Variants in LUC7L observed in about 807,000 individuals in gnomAD.
The protein encoded by LUC7L is LUC7 like.
LUC7L carries 29 observed loss-of-function variants against 51.1 expected under a neutral mutation model. The observed-to-expected ratio is 0.57, with a 90% confidence interval of 0.42 to 0.77. The LOEUF (loss-of-function observed/expected upper bound fraction) is 0.77, where lower values mean the gene tolerates loss of function less well. LUC7L is among the 30% of genes least tolerant of loss of function. LUC7L has a pLI of 0.00. For synonymous variants in LUC7L, 181 were observed against 180.7 expected (o/e 1.00, Z -0.01); for missense variants, 403 against 511.9 (o/e 0.79, Z 2.05).
At chr16:228,975 C>T in intron 1 of LUC7L, 2 of 1,430,060 alleles carry the variant, frequency 1.4e-6, no homozygotes, top group Non-Finnish European at 1.9e-6. Flanking sequence ...CTCCACAGTT[C>T]GCGGAGGGGC....
chr16:219,791 C>G (rs563903699), intron 3 of LUC7L, among the ~76,000 whole-genome samples: 1 of 152,062 alleles, frequency 6.6e-6, no homozygotes, highest in East Asian at 1.9e-4. Context: ...ATTGCTTGAA[C>G]CTGGGAGGAG....
chr16:208,318 T>C (rs182123232), intron 3 of LUC7L, 130 bp from the exon 4 acceptor site: 481 of 657,850 alleles, frequency 7.3e-4, no homozygotes, highest in Non-Finnish European at 1.1e-3. Flanking sequence ...GGGAAAGATC[T>C]TAAACTACAC....
intron 3 of LUC7L, among the ~76,000 whole-genome samples, chr16:211,289 A>C (rs1328036951): frequency 1.3e-5 from 2 of 152,190 alleles, no homozygotes; most frequent in African/African-American, 4.8e-5. Context: ...GTGGTGGGAA[A>C]CACTAAAAGA....
At chr16:225,737 G>C (rs778123832) in intron 2 of LUC7L, among the ~76,000 whole-genome samples, 1 of 151,026 alleles carries the variant, frequency 6.6e-6, no homozygotes, top group Non-Finnish European at 1.5e-5. Flanking sequence ...CACCCGCCTC[G>C]GCCTCCCAAA....
At chr16:226,682 C>A (rs915967755) in intron 2 of LUC7L, among the ~76,000 whole-genome samples, 1 of 152,180 alleles carries the variant, frequency 6.6e-6, no homozygotes, top group Non-Finnish European at 1.5e-5. Context: ...AACAAACCCA[C>A]GCAGAATCTT....
At chr16:215,945 T>G in intron 3 of LUC7L, among the ~76,000 whole-genome samples, 1 of 151,894 alleles carries the variant, frequency 6.6e-6, no homozygotes, top group Non-Finnish European at 1.5e-5. Flanking sequence ...TCCTTCACTT[T>G]TGGCCTCCAA....
chr16:229,381 C>G lies in LUC7L; in HGVS notation c.-42G>C. On this transcript the variant is annotated 5_prime_UTR_variant, in exon 1 of 10. Coordinates refer to ENST00000293872, the MANE Select transcript of LUC7L (RefSeq NM_201412.3). Reference sequence around the variant, plus strand: ...GACGGGGTCGGCCGCGACGACTTCTCTCAGGCAGGCGGTGGCAGCGGCGTC... The same window carrying G: ...GACGGGGTCGGCCGCGACGACTTCTGTCAGGCAGGCGGTGGCAGCGGCGTC... The G allele has an allele frequency of 6.8e-7, 1 of 1,468,222 alleles. No homozygotes were observed. The highest frequency in any genetic ancestry group is 2.8e-5 in the East Asian group (1 of 36,114). The allele number at this position is 1,468,222 out of a possible 1,614,324, so 90.9% of individuals were successfully genotyped here. A position where few individuals can be genotyped will look rare whatever the true frequency, so the allele number is the denominator to read the frequency against.
At chr16:195,912 ACT>A (rs779822403) in intron 6 of LUC7L, among the ~76,000 whole-genome samples, 1 of 152,150 alleles carries the variant, frequency 6.6e-6, no homozygotes, top group Non-Finnish European at 1.5e-5. Context: ...TACATTGTGC[ACT>A]GTTACTTTAA....
At chr16:206,683 A>T (rs1464734453) in intron 4 of LUC7L, among the ~76,000 whole-genome samples, 1 of 152,110 alleles carries the variant, frequency 6.6e-6, no homozygotes, top group Non-Finnish European at 1.5e-5. Flanking sequence ...CCTCCTTTTC[A>T]TTCTATGATA....
In LUC7L at chr16:189,311, C is replaced by A; in HGVS notation, c.1003G>T (p.Glu335Ter). Residue 335 changes from glutamate to a stop codon, truncating the protein, a stop_gained, in exon 10 of 10, where the codon GAG (glutamate) becomes TAG (stop). Transcript: ENST00000293872. LOFTEE classifies it high-confidence loss of function. ...TCGCTCCGCCCGCTCTCCCAGGACT[C>A]CTCTCTGGATGCCCGCTCTCTGGAG... The part of the protein sequence containing the change: ...KFSRERASRE[E>*]SWESGRSERG... 1 of 1,612,688 alleles carries A rather than the reference C, an allele frequency of 6.2e-7. No homozygotes were observed. Among genetic ancestry groups the A allele is most frequent in the Non-Finnish European group, 8.5e-7 (1 of 1,179,784 alleles).
intron 2 of LUC7L, among the ~76,000 whole-genome samples, chr16:225,487 T>TC (rs1354823875): frequency 3.3e-4 from 11 of 33,436 alleles, no homozygotes; most frequent in Admixed American, 5.9e-4. Context: ...ACTCCGTCTC[T>TC]TTTTTTTTTT....
chr16:214,394 C>T (rs988276774), intron 3 of LUC7L, among the ~76,000 whole-genome samples: 3 of 152,164 alleles, frequency 2.0e-5, no homozygotes, highest in African/African-American at 7.2e-5. Flanking sequence ...AGACAGGTTT[C>T]ACAAACATTA....
rs1280885414 is a variant in LUC7L at position 196,427 on chromosome 16, C to CAA, written c.687+2633_687+2634dup. Among the ~76,000 whole-genome samples, 1,070 of 148,504 alleles carry CAA rather than the reference C, an allele frequency of 7.2e-3. 15 individuals are homozygous for CAA. Among genetic ancestry groups the CAA allele is most frequent in the African/African-American group, 0.026 (1,028 of 39,004 alleles). On this transcript the variant is annotated intron_variant, in intron 6 of 9. Coordinates refer to ENST00000293872, the MANE Select transcript of LUC7L (RefSeq NM_201412.3). ...TGCCTCAAACAAACAAACAAACAAA[C>CAA]AAAAAAAACCCAACAACTACAGTAG... is the stretch of plus-strand genomic sequence containing the variant.
intron 2 of LUC7L, among the ~76,000 whole-genome samples, chr16:221,719 A>G (rs1246078235): frequency 6.6e-6 from 1 of 152,144 alleles, no homozygotes; most frequent in Non-Finnish European, 1.5e-5. Context: ...GGGGAAAAAA[A>G]AAAGGAAAGG....
At chr16:228,793 AGAAAAG>A in intron 1 of LUC7L, 1 of 1,287,426 alleles carries the variant, frequency 7.8e-7, no homozygotes, top group Non-Finnish European at 1.0e-6. Flanking sequence ...AACCCACGTT[AGAAAAG>A]CTCAGTTTAC....
intron 5 of LUC7L, among the ~76,000 whole-genome samples, chr16:200,506 G>A (rs2049293458): frequency 6.6e-6 from 1 of 151,990 alleles, no homozygotes; most frequent in East Asian, 1.9e-4. Context: ...AGCCCAGGAG[G>A]TGGAGGTTGC....
At chr16:215,673 T>C (rs936532571) in intron 3 of LUC7L, among the ~76,000 whole-genome samples, 2 of 148,832 alleles carry the variant, frequency 1.3e-5, no homozygotes, top group African/African-American at 5.0e-5. Flanking sequence ...TGTGGTGACA[T>C]GCACCTGTAG....
intron 2 of LUC7L, among the ~76,000 whole-genome samples, chr16:224,330 C>A (rs2050062582): frequency 6.6e-6 from 1 of 150,638 alleles, no homozygotes; most frequent in African/African-American, 2.4e-5. Context: ...ACCAGCCTGG[C>A]CAACGTGGTG....
intron 2 of LUC7L, among the ~76,000 whole-genome samples, chr16:222,556 T>C (rs1226366247): frequency 6.6e-6 from 1 of 151,882 alleles, no homozygotes; most frequent in Non-Finnish European, 1.5e-5. Context: ...AGAGATCGCT[T>C]GAGCCTAGGA....
Sources: allele counts gnomAD v4.1 joint callset (sites outside exome capture counted in the v4.1 genomes callset), GRCh38; gene constraint gnomAD v4.1.1; transcripts MANE v1.5; gene names NCBI Gene and HGNC (gene_info 2026-07-23, HGNC 2026-07-21).